CAPZB: variants seen among roughly 807,000 people sequenced by gnomAD.
CAPZB encodes capping actin protein of muscle Z-line subunit beta.
In CAPZB, 2 loss-of-function variants were observed where a neutral mutation model predicts 38.1. The observed-to-expected ratio is 0.05, with a 90% CI of 0.02 to 0.17. CAPZB has a LOEUF of 0.17. Among genes scored for constraint, CAPZB ranks in the 10% least tolerant of loss-of-function variants. The probability of loss-of-function intolerance (pLI) is 1.00; values close to 1 mark genes in which losing one functional copy is unlikely to be tolerated. For synonymous variants in CAPZB, 107 were observed against 127.4 expected, an observed-to-expected ratio of 0.84 and a Z score of 1.08; for missense variants, 161 against 334.2, an observed-to-expected ratio of 0.48 and a Z score of 4.04.
chr1:19,439,046 C>T (rs1434271204), intron 1 of CAPZB, among the ~76,000 whole-genome samples: 1 of 152,214 alleles, frequency 6.6e-6, no homozygotes, highest in Non-Finnish European at 1.5e-5. Flanking sequence ...GTAAACATCA[C>T]AGAGCTCCAC....
chr1:19,364,135 T>C (rs1193941795), intron 4 of CAPZB, among the ~76,000 whole-genome samples: 1 of 152,248 alleles, frequency 6.6e-6, no homozygotes, highest in Admixed American at 6.5e-5. Context: ...GGGCTTTCTC[T>C]TGCAGTCAAC....
chr1:19,480,526 C>CA (rs1323683191), intron 1 of CAPZB, among the ~76,000 whole-genome samples: 4 of 152,162 alleles, frequency 2.6e-5, no homozygotes, highest in African/African-American at 9.7e-5. Flanking sequence ...AAGTGCCAGG[C>CA]GGCCAGTGCA....
chr1:19,402,422 T>C (rs375034089), intron 2 of CAPZB, among the ~76,000 whole-genome samples: 4 of 152,388 alleles, frequency 2.6e-5, no homozygotes, highest in Admixed American at 6.5e-5. Flanking sequence ...TGCTGATCTC[T>C]GTCCCTTACC....
intron 8 of CAPZB, among the ~76,000 whole-genome samples, chr1:19,342,210 G>C (rs1264619899): frequency 3.3e-5 from 5 of 152,258 alleles, no homozygotes; most frequent in Non-Finnish European, 7.3e-5. Flanking sequence ...ATCTGGGCCA[G>C]CCAGGGTGGA....
intron 2 of CAPZB, among the ~76,000 whole-genome samples, chr1:19,407,158 A>G (rs1272194553): frequency 6.6e-6 from 1 of 152,190 alleles, no homozygotes; most frequent in Middle Eastern, 3.2e-3. Flanking sequence ...CCTGGCATAT[A>G]AAGGTGTGGT....
At chr1:19,402,880 T>C (rs1339708714) in intron 2 of CAPZB, among the ~76,000 whole-genome samples, 1 of 152,058 alleles carries the variant, frequency 6.6e-6, no homozygotes, top group Non-Finnish European at 1.5e-5. Flanking sequence ...AAACTCCATC[T>C]CTACTAAAAA....
intron 2 of CAPZB, among the ~76,000 whole-genome samples, chr1:19,394,017 T>C (rs371937199): frequency 1.4e-4 from 22 of 152,376 alleles, no homozygotes; most frequent in African/African-American, 4.6e-4. Context: ...TGTTTTGTTT[T>C]TGAGACGAAG....
intron 2 of CAPZB, among the ~76,000 whole-genome samples, chr1:19,419,167 C>T (rs1198116728): frequency 6.6e-6 from 1 of 152,204 alleles, no homozygotes; most frequent in Non-Finnish European, 1.5e-5. Context: ...TATTTAAAAA[C>T]TAGATGTGAC....
At chr1:19,352,644 C>A (rs978068067) in intron 6 of CAPZB, among the ~76,000 whole-genome samples, 2 of 152,236 alleles carry the variant, frequency 1.3e-5, no homozygotes, top group Non-Finnish European at 2.9e-5. Flanking sequence ...CACACACATC[C>A]ACAAGCCTGG....
chr1:19,345,119 C>T (rs994234856), intron 7 of CAPZB, 68 bp downstream of exon 7: 40 of 1,201,816 alleles, frequency 3.3e-5, no homozygotes, highest in East Asian at 4.6e-5. Context: ...GCCAGCACAG[C>T]GGCTCCGGGG....
chr1:19,450,601 C>G (rs2100694328), intron 1 of CAPZB, among the ~76,000 whole-genome samples: 1 of 152,242 alleles, frequency 6.6e-6, no homozygotes, highest in South Asian at 2.1e-4. Context: ...GGTTAAGGAG[C>G]TTACCAAATA....
At chr1:19,443,185 C>T (rs548152617) in intron 1 of CAPZB, among the ~76,000 whole-genome samples, 3 of 151,218 alleles carry the variant, frequency 2.0e-5, no homozygotes, top group East Asian at 3.9e-4. Context: ...CCAGGACTTC[C>T]GAGACCAGCC....
At chr1:19,419,585 G>C in intron 2 of CAPZB, 76 bp downstream of exon 2, 1 of 826,710 alleles carries the variant, frequency 1.2e-6, no homozygotes. Context: ...TGTGAATTCT[G>C]CATGGAAAAA....
intron 1 of CAPZB, among the ~76,000 whole-genome samples, chr1:19,481,411 GA>G (rs2094628077): frequency 6.6e-6 from 1 of 152,180 alleles, no homozygotes; most frequent in Non-Finnish European, 1.5e-5. Flanking sequence ...CTGTGTTCTG[GA>G]AAACACAGTG....
intron 8 of CAPZB, among the ~76,000 whole-genome samples, chr1:19,340,399 C>T (rs1450924295): frequency 2.0e-5 from 3 of 152,366 alleles, no homozygotes; most frequent in South Asian, 2.1e-4. Flanking sequence ...ACGTTCAGGG[C>T]GACCGCATTC....
chr1:19,359,944 T>G (rs1028749419), intron 4 of CAPZB, among the ~76,000 whole-genome samples: 1 of 152,226 alleles, frequency 6.6e-6, no homozygotes, highest in African/African-American at 2.4e-5. Flanking sequence ...GGTAAGCAGA[T>G]GAGTGTTTTG....
Position 19,342,948 on chromosome 1 carries a change from G to C in CAPZB, c.731+1410C>G, listed in dbSNP as rs1017318995. The C allele has an allele frequency of 3.6e-6, 3 of 841,520 alleles. No individual in the cohort carries two copies. The African/African-American group carries it at 5.0e-5, about 14-fold the overall frequency. 52.1% of individuals were successfully genotyped at this position (841,520 alleles called of 1,614,324 possible). On this transcript the variant is annotated intron_variant, in intron 8 of 8. Coordinates refer to ENST00000264202, the MANE Select transcript of CAPZB (RefSeq NM_004930.5). Reference sequence around the variant, plus strand: ...AACGCAGGGGGCCACAGCTGAGGAGGAAATTCAGGGAGACCCACGAGGCGG... The same window carrying C: ...AACGCAGGGGGCCACAGCTGAGGAGCAAATTCAGGGAGACCCACGAGGCGG...
chr1:19,469,060 C>A (rs1178328818), intron 1 of CAPZB, among the ~76,000 whole-genome samples: 1 of 152,228 alleles, frequency 6.6e-6, no homozygotes, highest in Non-Finnish European at 1.5e-5. Flanking sequence ...CACCCCCAAG[C>A]TGGGCACACA....
chr1:19,447,270 A>ACC (rs2094499261), intron 1 of CAPZB, among the ~76,000 whole-genome samples: 1 of 82,226 alleles, frequency 1.2e-5, no homozygotes, highest in Non-Finnish European at 2.5e-5. Flanking sequence ...ACCAGACCTA[A>ACC]TCTTTTTTTT....
Sources: allele counts gnomAD v4.1 joint callset (sites outside exome capture counted in the v4.1 genomes callset), GRCh38; gene constraint gnomAD v4.1.1; transcripts MANE v1.5; gene names NCBI Gene and HGNC (gene_info 2026-07-23, HGNC 2026-07-21).